MOB3A: variants seen among roughly 807,000 people sequenced by gnomAD.
MOB3A encodes the protein MOB kinase activator 3A.
In MOB3A, 17 loss-of-function variants were observed where a neutral mutation model predicts 17.8. The ratio of observed to expected loss-of-function variants is 0.95; its 90% CI spans 0.65 to 1.43. The LOEUF is 1.43. Ranked by LOEUF, MOB3A falls within the 40% of genes most tolerant of loss-of-function variation. MOB3A has a pLI of 0.00. For synonymous variants in MOB3A, 124 were observed against 133.2 expected (o/e 0.93, Z 0.48); for missense variants, 333 against 310.8 (o/e 1.07, Z -0.54).
intron 2 of MOB3A, among the ~76,000 whole-genome samples, chr19:2,079,141 G>A (rs916905783): frequency 5.3e-5 from 8 of 152,236 alleles, no homozygotes; most frequent in South Asian, 4.1e-4. Context: ...AGAGAACTGC[G>A]CGTGGCGAGG....
intron 1 of MOB3A, among the ~76,000 whole-genome samples, chr19:2,094,032 A>G (rs945546112): frequency 7.0e-6 from 1 of 142,520 alleles, no homozygotes; most frequent in African/African-American, 2.6e-5. Flanking sequence ...TTCCTTCCCT[A>G]TGTAAGTTCT....
intron 1 of MOB3A, among the ~76,000 whole-genome samples, chr19:2,086,439 C>A (rs1262058306): frequency 6.6e-6 from 1 of 151,896 alleles, no homozygotes. Context: ...CGGCTCACTG[C>A]AACCTCTGCC....
At chr19:2,080,121 T>C (rs2017468054) in intron 2 of MOB3A, among the ~76,000 whole-genome samples, 1 of 151,788 alleles carries the variant, frequency 6.6e-6, no homozygotes, top group Non-Finnish European at 1.5e-5. Context: ...AGGCCCAGAG[T>C]GGATGCAGAC....
rs1455607434 is a variant in MOB3A, at chr19:2,071,770, C to G, written c.*1625G>C. On this transcript the variant is annotated 3_prime_UTR_variant, in exon 5 of 5. Transcript: ENST00000357066. ...CTGGGAAAGGCCAATTCTGGCAGAACTGGAAGATTCCAGACCAGGGGAGAG... is the reference window on the plus strand; with the variant it reads ...CTGGGAAAGGCCAATTCTGGCAGAAGTGGAAGATTCCAGACCAGGGGAGAG... 1 of 153,384 alleles carries G rather than the reference C, an allele frequency of 6.5e-6. No individual in the cohort carries two copies. The highest frequency in any genetic ancestry group is 1.5e-5 in the Non-Finnish European group (1 of 68,690). The allele number at this position is 153,384 out of a possible 1,614,324, so 9.5% of individuals were successfully genotyped here. A position where few individuals can be genotyped will look rare whatever the true frequency, so the allele number is the denominator to read the frequency against.
rs376585693 is a variant in MOB3A, at chr19:2,082,347, T to C, written c.-120+2828A>G. Among the ~76,000 whole-genome samples the C allele has an allele frequency of 6.6e-6, 1 of 152,318 alleles. No homozygotes were observed. Among genetic ancestry groups the C allele is most frequent in the African/African-American group, 2.4e-5 (1 of 41,576 alleles). On this transcript the variant is annotated intron_variant, in intron 2 of 4. Coordinates refer to ENST00000357066, the MANE Select transcript of MOB3A (RefSeq NM_130807.3). The surrounding 1 kb of genome is among the most constrained non-coding windows in gnomAD (Gnocchi z 4.1). ...GGCATCCCTGGCCGCCGCCCCTCCC[T>C]GCCAGGAGCTCCCCCAAGTTATGAC... is the stretch of plus-strand genomic sequence containing the variant.
intron 2 of MOB3A, among the ~76,000 whole-genome samples, chr19:2,080,839 C>T (rs2017478553): frequency 6.6e-6 from 1 of 152,116 alleles, no homozygotes; most frequent in Non-Finnish European, 1.5e-5. Flanking sequence ...ATGGATCCTG[C>T]AGGGCTAAAT....
chr19:2,074,649 T>C (rs917216085), intron 4 of MOB3A, among the ~76,000 whole-genome samples: 3 of 151,614 alleles, frequency 2.0e-5, no homozygotes, highest in Non-Finnish European at 4.4e-5. Context: ...ACCTCCTGGG[T>C]TCAAACGATT....
intron 3 of MOB3A, among the ~76,000 whole-genome samples, 154 bp from the exon 4 acceptor site, chr19:2,077,167 G>A (rs1472584086): frequency 1.3e-5 from 2 of 152,140 alleles, no homozygotes; most frequent in Admixed American, 6.5e-5. Flanking sequence ...TTGGGAGGCC[G>A]AGGCAGGCAG....
At chr19:2,089,865 A>T (rs1471317828) in intron 1 of MOB3A, among the ~76,000 whole-genome samples, 1 of 151,710 alleles carries the variant, frequency 6.6e-6, no homozygotes, top group Non-Finnish European at 1.5e-5. Flanking sequence ...GCAGGTGCTG[A>T]GCAATGTCCC....
Position 2,078,174 on chromosome 19 carries a change from C to A in MOB3A, c.387G>T (p.Gln129His). ...MDLLMDWIEA[Q>H]INNEDLFPTN... Reference sequence around the variant, plus strand: ...TGGGGAAGAGGTCCTCGTTGTTGATCTGCGCCTCGATCCAGTCCATCAGCA... The same window carrying A: ...TGGGGAAGAGGTCCTCGTTGTTGATATGCGCCTCGATCCAGTCCATCAGCA... Residue 129 changes from glutamine to histidine, a missense_variant, in exon 3 of 5, where the codon CAG becomes CAT. By Grantham distance (24) the Gln-to-His change is conservative. Coordinates refer to ENST00000357066, the MANE Select transcript of MOB3A (RefSeq NM_130807.3). 1 of 1,592,912 alleles carries A rather than the reference C, an allele frequency of 6.3e-7. No individual in the cohort carries two copies. Among genetic ancestry groups the A allele is most frequent in the Admixed American group, 1.7e-5 (1 of 58,992 alleles).
rs1461266737 is a variant in MOB3A, at chr19:2,077,014, C to T, written c.422-1G>A. 15 of 1,612,370 alleles carry T rather than the reference C, an allele frequency of 9.3e-6. No homozygotes were observed. Among genetic ancestry groups the T allele is most frequent in the Non-Finnish European group, 1.1e-5 (13 of 1,179,564 alleles). On this transcript the variant is annotated splice_acceptor_variant, in intron 3 of 4. Transcript: ENST00000357066. LOFTEE classifies it high-confidence loss of function. The stretch of plus-strand genomic sequence containing the variant: ...AGGAAGTTCTTGGGAAACGGAGTGC[C>T]TGCAGGGAGAGGGGTGGGACGGGTC...
At chr19:2,089,543 C>T (rs748222764) in intron 1 of MOB3A, among the ~76,000 whole-genome samples, 2 of 151,832 alleles carry the variant, frequency 1.3e-5, no homozygotes, top group African/African-American at 4.8e-5. Context: ...CCCCTGGGGG[C>T]AGAATTACCC....
intron 1 of MOB3A, among the ~76,000 whole-genome samples, chr19:2,094,714 G>A (rs576004974): frequency 6.6e-6 from 1 of 152,364 alleles, no homozygotes; most frequent in Admixed American, 6.5e-5. Flanking sequence ...TGCCTATGCA[G>A]GAGGCAACTC....
chr19:2,077,937 C>G (rs984789072), intron 3 of MOB3A, among the ~76,000 whole-genome samples: 2 of 152,058 alleles, frequency 1.3e-5, no homozygotes, highest in African/African-American at 4.8e-5. Context: ...GCGTGTGCCA[C>G]CATGCCTGGC....
intron 2 of MOB3A, among the ~76,000 whole-genome samples, chr19:2,079,537 G>A (rs1033252082): frequency 2.0e-5 from 3 of 152,208 alleles, no homozygotes; most frequent in Admixed American, 6.5e-5. Flanking sequence ...GCGAAGGGTC[G>A]CCCAGGATGC....
intron 1 of MOB3A, among the ~76,000 whole-genome samples, chr19:2,091,138 G>A (rs901209979): frequency 6.6e-6 from 1 of 152,152 alleles, no homozygotes; most frequent in Non-Finnish European, 1.5e-5. Context: ...TCCAGTGCCG[G>A]CTGCTGGCCA....
At chr19:2,081,419 C>T (rs1437743324) in intron 2 of MOB3A, among the ~76,000 whole-genome samples, 1 of 151,914 alleles carries the variant, frequency 6.6e-6, no homozygotes, top group Non-Finnish European at 1.5e-5. Context: ...GAAACCCCAT[C>T]TCTACTAAAA....
intron 4 of MOB3A, among the ~76,000 whole-genome samples, chr19:2,075,027 C>CT (rs1424566957): frequency 2.0e-5 from 3 of 149,362 alleles, no homozygotes; most frequent in African/African-American, 7.4e-5. Context: ...TTAATCTTTT[C>CT]TTTTCTTTTT....
At position 2,073,257 on chromosome 19, in the gene MOB3A, C is replaced by CACCT; in HGVS notation, c.*134_*137dup. On this transcript the variant is annotated 3_prime_UTR_variant, in exon 5 of 5. Transcript: ENST00000357066. Reference sequence around the variant, plus strand: ...CGGGGTTGGAGCTCCTGAGGACCAACACCTGCTCAGCGGCTCGGCCCCTGG... The same window carrying CACCT: ...CGGGGTTGGAGCTCCTGAGGACCAACACCTACCTGCTCAGCGGCTCGGCCCCTGG... The CACCT allele has an allele frequency of 9.2e-7, 1 of 1,091,914 alleles. No homozygotes were observed. The highest frequency in any genetic ancestry group is 1.9e-5 in the Admixed American group (1 of 53,782). 67.6% of individuals were successfully genotyped at this position (1,091,914 alleles called of 1,614,324 possible).
Sources: allele counts gnomAD v4.1 joint callset (sites outside exome capture counted in the v4.1 genomes callset), GRCh38; gene constraint gnomAD v4.1.1; non-coding constraint Gnocchi (gnomAD v3.1); transcripts MANE v1.5; gene names NCBI Gene and HGNC (gene_info 2026-07-23, HGNC 2026-07-21).